The following ADAM19 variants were observed in gnomAD, a reference collection of about 807,000 sequenced individuals.
ADAM19 encodes disintegrin and metalloproteinase domain-containing protein 19.
In ADAM19, 65 loss-of-function variants were observed where a neutral mutation model predicts 114.7. The observed-to-expected ratio is 0.57, with a 90% CI of 0.46 to 0.70. The LOEUF (loss-of-function observed/expected upper bound fraction) is 0.70, where lower values mean the gene tolerates loss of function less well. ADAM19 is among the 30% of genes least tolerant of loss of function. The pLI is 0.00. For missense variants in ADAM19, 1,063 were observed against 1,204.7 expected (o/e 0.88, Z 1.74); for synonymous variants, 466 against 460.5 (o/e 1.01, Z -0.15).
intron 13 of ADAM19, among the ~76,000 whole-genome samples, chr5:157,497,726 C>T (rs1030159891): frequency 2.0e-5 from 3 of 152,170 alleles, no homozygotes; most frequent in Non-Finnish European, 2.9e-5. Flanking sequence ...TCACAGCTTC[C>T]ATGGGATAGA....
At chr5:157,515,902 A>C (rs1581319402) in intron 7 of ADAM19, among the ~76,000 whole-genome samples, 2 of 152,282 alleles carry the variant, frequency 1.3e-5, no homozygotes, top group African/African-American at 4.8e-5. Context: ...GCTCCCACCT[A>C]GGCCCAGGGA....
chr5:157,554,073 G>A (rs796758714), intron 3 of ADAM19, among the ~76,000 whole-genome samples: 8 of 152,226 alleles, frequency 5.3e-5, no homozygotes, highest in African/African-American at 1.9e-4. Flanking sequence ...GACCTCATTT[G>A]TATATAAATA....
At chr5:157,504,261 T>G (rs528612909) in intron 11 of ADAM19, among the ~76,000 whole-genome samples, 2 of 152,184 alleles carry the variant, frequency 1.3e-5, no homozygotes, top group Non-Finnish European at 2.9e-5. Flanking sequence ...GTTGTGGTTT[T>G]GAGACGGAGT....
Position 157,575,741 on chromosome 5 carries a change from A to C in ADAM19, c.-45T>G, listed in dbSNP as rs1168602184. 85 of 1,243,354 alleles carry C rather than the reference A, an allele frequency of 6.8e-5. No homozygotes were observed. The highest frequency in any genetic ancestry group is 8.4e-5 in the Non-Finnish European group (83 of 988,318). 77.0% of individuals were successfully genotyped at this position (1,243,354 alleles called of 1,614,324 possible). On this transcript the variant is annotated 5_prime_UTR_variant, in exon 1 of 23. An upstream start codon of the reference 5' UTR is lost. Transcript: ENST00000257527. ...GCTCGGCGCTCACACGCCCTCAGCC[A>C]TACCTGCCCACTGCCCGGCGGTGGA...
Position 157,479,418 on chromosome 5 carries a change from G to C in ADAM19, c.*1531C>G. ...CAGGATGGGAGGAGGCCCCAGGAAA[G>C]CCTCAGAGGAGTGAGAGTCAGGCCA... On this transcript the variant is annotated 3_prime_UTR_variant, in exon 23 of 23. Transcript: ENST00000257527. 1 of 986,002 alleles carries C rather than the reference G, an allele frequency of 1.0e-6. No homozygotes were observed. The highest frequency in any genetic ancestry group is 1.2e-6 in the Non-Finnish European group (1 of 830,042). The allele number at this position is 986,002 out of a possible 1,614,324, so 61.1% of individuals were successfully genotyped here.
intron 14 of ADAM19, 35 bp downstream of exon 14, chr5:157,496,859 G>A (rs761123779): frequency 1.3e-6 from 2 of 1,498,754 alleles, no homozygotes; most frequent in Admixed American, 2.6e-5. Flanking sequence ...GAAGTGGTGG[G>A]CTGGGGAGAG....
At position 157,491,931 on chromosome 5, in the gene ADAM19, G is replaced by A; in HGVS notation, c.1909-19C>T. On this transcript the variant is annotated intron_variant, in intron 16 of 22. Coordinates refer to ENST00000257527, the MANE Select transcript of ADAM19 (RefSeq NM_033274.5). ...AGCAAATCTGCACGGAGAGAAAACA[G>A]AACGATCAGTGCAATGGGAGGGATG... The A allele has an allele frequency of 6.2e-7, 1 of 1,613,078 alleles. No homozygotes were observed. Among genetic ancestry groups the A allele is most frequent in the Non-Finnish European group, 8.5e-7 (1 of 1,179,104 alleles).
At chr5:157,508,556 C>T (rs1211983810) in intron 9 of ADAM19, among the ~76,000 whole-genome samples, 1 of 151,384 alleles carries the variant, frequency 6.6e-6, no homozygotes, top group Non-Finnish European at 1.5e-5. Context: ...GCCGAGATCA[C>T]GCTACTGCAC....
At position 157,493,133 on chromosome 5, in the gene ADAM19, C is replaced by T. The variant is rs529559129; in HGVS notation, c.1748G>A (p.Arg583Gln). Residue 583 changes from arginine (R) to glutamine (Q), a missense_variant, in exon 16 of 23, where the codon CGG (arginine) becomes CAG (glutamine). Arg to Gln is a conservative substitution (Grantham distance 43). Transcript: ENST00000257527. ...GKIQCQSSEA[R>Q]PLESNAVPID... is the part of the protein sequence containing the mutation. The stretch of plus-strand genomic sequence containing the variant: ...GGGCACCGCGTTGGACTCCAGGGGC[C>T]GGGCCTCAGAGCTCTGACACTGGAT... The T allele has an allele frequency of 2.5e-5, 41 of 1,614,080 alleles. No homozygotes were observed. Among genetic ancestry groups the T allele is most frequent in the Non-Finnish European group, 3.3e-5 (39 of 1,180,046 alleles).
intron 8 of ADAM19, among the ~76,000 whole-genome samples, chr5:157,509,847 G>A (rs1185208798): frequency 6.6e-6 from 1 of 152,236 alleles, no homozygotes; most frequent in Non-Finnish European, 1.5e-5. Flanking sequence ...TGTTCTGCAT[G>A]ATGTTCAAGT....
At chr5:157,513,933 T>C (rs1756013095) in intron 7 of ADAM19, among the ~76,000 whole-genome samples, 1 of 152,206 alleles carries the variant, frequency 6.6e-6, no homozygotes, top group South Asian at 2.1e-4. Flanking sequence ...ATGTGGTCAA[T>C]CAACAATCAT....
At chr5:157,499,773 C>CTAT in intron 12 of ADAM19, 111 bp from the exon 13 acceptor site, 2 of 419,698 alleles carry the variant, frequency 4.8e-6, no homozygotes, top group Non-Finnish European at 8.4e-6. Context: ...GCAACTATCT[C>CTAT]TTTTTTTTTT....
intron 16 of ADAM19, among the ~76,000 whole-genome samples, 191 bp downstream of exon 16, chr5:157,492,782 T>C (rs1463909697): frequency 6.6e-6 from 1 of 152,178 alleles, no homozygotes. Context: ...ACTGGGATGA[T>C]TTTCTTTAAT....
intron 2 of ADAM19, among the ~76,000 whole-genome samples, 186 bp from the exon 3 acceptor site, chr5:157,564,629 C>T (rs182945474): frequency 6.6e-6 from 1 of 152,354 alleles, no homozygotes; most frequent in East Asian, 1.9e-4. Flanking sequence ...CTTCCCCCAT[C>T]TGCTTTCTCC....
At position 157,477,702 on chromosome 5, in the gene ADAM19, C is replaced by A. The variant is rs1010315475; in HGVS notation, c.*3247G>T. On this transcript the variant is annotated 3_prime_UTR_variant, in exon 23 of 23. Transcript: ENST00000257527. Reference sequence around the variant, plus strand: ...CACAATTACTGACTTTGGAACTGGTCCCCAGTTTTCAAATTGCAAGTCTTC... The same window carrying A: ...CACAATTACTGACTTTGGAACTGGTACCCAGTTTTCAAATTGCAAGTCTTC... The A allele has an allele frequency of 8.1e-5, 104 of 1,289,578 alleles. 1 individual carries two copies. The highest frequency in any genetic ancestry group is 1.1e-4 in the Non-Finnish European group (104 of 988,824). The allele number at this position is 1,289,578 out of a possible 1,614,324, so 79.9% of individuals were successfully genotyped here.
chr5:157,511,739 G>A (rs1452935075), intron 8 of ADAM19, among the ~76,000 whole-genome samples: 1 of 152,138 alleles, frequency 6.6e-6, no homozygotes, highest in African/African-American at 2.4e-5. Context: ...TTCAACAATA[G>A]TTCAGTTCAA....
intron 11 of ADAM19, among the ~76,000 whole-genome samples, chr5:157,504,425 A>G (rs1561533620): frequency 6.6e-6 from 1 of 151,934 alleles, no homozygotes; most frequent in Non-Finnish European, 1.5e-5. Flanking sequence ...TAATTTTTGT[A>G]TTTTTAGCAG....
intron 4 of ADAM19, among the ~76,000 whole-genome samples, chr5:157,531,992 A>G (rs1279464840): frequency 6.6e-6 from 1 of 152,140 alleles, no homozygotes. Flanking sequence ...ACTGTTTTAA[A>G]CCTTTAAGTT....
chr5:157,516,689 C>T (rs1407321596), intron 7 of ADAM19, among the ~76,000 whole-genome samples: 1 of 152,202 alleles, frequency 6.6e-6, no homozygotes, highest in Non-Finnish European at 1.5e-5. Flanking sequence ...TGACTCAAGA[C>T]CATTGTATCA....
Sources: gnomAD v4.1 joint callset for allele counts (sites outside exome capture counted in the v4.1 genomes callset) on GRCh38, gnomAD v4.1.1 for gene constraint, MANE v1.5 for transcripts, NCBI Gene and HGNC (gene_info 2026-07-23, HGNC 2026-07-21) for gene names.